OSBPL5: variants seen among roughly 807,000 people sequenced by gnomAD.
OSBPL5 encodes the protein oxysterol binding protein like 5, also known as oxysterol-binding protein-related protein 5.
Under a neutral mutation model 111.2 loss-of-function variants are expected in OSBPL5, and 71 were observed. The ratio of observed to expected loss-of-function variants is 0.64; its 90% CI spans 0.53 to 0.78. OSBPL5 has a LOEUF of 0.78. Ranked by LOEUF, OSBPL5 falls within the 30% of genes least tolerant of loss-of-function variation. The probability of loss-of-function intolerance (pLI) is 0.00; values close to 1 mark genes in which losing one functional copy is unlikely to be tolerated. For synonymous variants in OSBPL5, 549 were observed against 513.9 expected, an observed-to-expected ratio of 1.07 and a Z score of -0.93; for missense variants, 1,210 against 1,189.3, an observed-to-expected ratio of 1.02 and a Z score of -0.26.
chr11:3,137,259 G>A (rs1403412990), intron 1 of OSBPL5, among the ~76,000 whole-genome samples: 1 of 152,210 alleles, frequency 6.6e-6, no homozygotes, highest in Non-Finnish European at 1.5e-5. Context: ...TGGACCGAAT[G>A]CCTAGTGCTA....
Position 3,146,882 on chromosome 11 carries a change from G to A in OSBPL5, c.-21-17713C>T, listed in dbSNP as rs1157089314. Reference sequence around the variant, plus strand: ...TTTCTATTTATGATTCGCCTCTCACGCCCCTTCCCAGCACACCCAGCTCTG... The same window carrying A: ...TTTCTATTTATGATTCGCCTCTCACACCCCTTCCCAGCACACCCAGCTCTG... On this transcript the variant is annotated intron_variant, in intron 1 of 21. Coordinates refer to ENST00000263650, the MANE Select transcript of OSBPL5 (RefSeq NM_020896.4). The surrounding 1 kb of genome is among the most constrained non-coding windows in gnomAD (Gnocchi z 7.8). Among the ~76,000 whole-genome samples, 6 of 152,230 alleles carry A rather than the reference G, an allele frequency of 3.9e-5. No homozygotes were observed. In the South Asian group the frequency reaches 6.2e-4, roughly 16 times the overall value.
chr11:3,147,855 C>T (rs1226669358), intron 1 of OSBPL5, among the ~76,000 whole-genome samples: 2 of 152,168 alleles, frequency 1.3e-5, no homozygotes, highest in Non-Finnish European at 2.9e-5. Context: ...TGACCCGGGC[C>T]CTTCTGTCTC....
chr11:3,138,871 A>G (rs1448607674), intron 1 of OSBPL5, among the ~76,000 whole-genome samples: 1 of 152,206 alleles, frequency 6.6e-6, no homozygotes, highest in Non-Finnish European at 1.5e-5. Flanking sequence ...ATCTGGCCCC[A>G]GCCTGCTCAT....
chr11:3,093,027 T>C lies in OSBPL5; in HGVS notation c.1972A>G (p.Ile658Val), dbSNP rs1243848175. Residue 658 changes from isoleucine to valine, a missense_variant, in exon 18 of 22, where the codon ATC becomes GTC. Physicochemically the swap from Ile to Val is conservative, Grantham distance 29 (BLOSUM62 3). Coordinates refer to ENST00000263650, the MANE Select transcript of OSBPL5 (RefSeq NM_020896.4). Reference protein sequence around the residue: ...ERLWQHVTRAISKGDQHRATQ... With the variant: ...ERLWQHVTRAVSKGDQHRATQ... The stretch of plus-strand genomic sequence containing the variant: ...GCCCTGTGCTGGTCGCCCTTGCTGA[T>C]GGCCCTGGTGACGTGCTGCCAGAGC... 6.3e-7 allele frequency: 1 copy of C among 1,595,946 alleles called. No homozygotes were observed. Among genetic ancestry groups the C allele is most frequent in the Non-Finnish European group, 8.5e-7 (1 of 1,172,234 alleles).
intron 1 of OSBPL5, among the ~76,000 whole-genome samples, chr11:3,145,491 C>T (rs1211208992): frequency 6.6e-6 from 1 of 152,218 alleles, no homozygotes; most frequent in Non-Finnish European, 1.5e-5. Flanking sequence ...GCCACCCCTG[C>T]CCAGCGAGTT....
In OSBPL5 at chr11:3,113,945, T is replaced by A. The variant is rs1375332482; in HGVS notation, c.691+5602A>T. On this transcript the variant is annotated intron_variant, in intron 7 of 21. Transcript: ENST00000263650. This position sits in a 1 kb window ranked among gnomAD's most constrained non-coding sequence, Gnocchi z 4.8. Reference sequence around the variant, plus strand: ...TGTCTCAGTTATAATTTTGCAATGGTGTTTCCATAATTTAAATAATGACAA... The same window carrying A: ...TGTCTCAGTTATAATTTTGCAATGGAGTTTCCATAATTTAAATAATGACAA... 6.6e-6 allele frequency among the ~76,000 whole-genome samples: 1 copy of A among 152,192 alleles called. No homozygotes were observed. Among genetic ancestry groups the A allele is most frequent in the African/African-American group, 2.4e-5 (1 of 41,448 alleles).
At chr11:3,114,619 G>GA (rs1858144559) in intron 7 of OSBPL5, among the ~76,000 whole-genome samples, 1 of 16,034 alleles carries the variant, frequency 6.2e-5, no homozygotes, top group African/African-American at 5.1e-4. Context: ...TTTTTTTTTA[G>GA]ACAGAGTCTC....
rs1024975204 is a variant in OSBPL5 at position 3,113,419 on chromosome 11, G to A, written c.692-5474C>T. 6.6e-6 allele frequency among the ~76,000 whole-genome samples: 1 copy of A among 152,124 alleles called. No individual in the cohort carries two copies. The highest frequency in any genetic ancestry group is 1.5e-5 in the Non-Finnish European group (1 of 68,022). On this transcript the variant is annotated intron_variant, in intron 7 of 21. Transcript: ENST00000263650. This position sits in a 1 kb window ranked among gnomAD's most constrained non-coding sequence, Gnocchi z 4.8. ...TGCCTGTAATCTCAGCACTTTGGGA[G>A]GCTGAGGTGGGTGGATCACAAAGTC...
At chr11:3,097,236 C>T (rs1857305066) in intron 14 of OSBPL5, among the ~76,000 whole-genome samples, 1 of 151,682 alleles carries the variant, frequency 6.6e-6, no homozygotes, top group Admixed American at 6.6e-5. Context: ...TAGACAGGTC[C>T]TTGGGTCAGA....
intron 19 of OSBPL5, among the ~76,000 whole-genome samples, chr11:3,091,484 C>A (rs780534602): frequency 6.6e-6 from 1 of 152,078 alleles, no homozygotes; most frequent in Non-Finnish European, 1.5e-5. Context: ...GCTGACTGAC[C>A]TCAGCAGGGG....
intron 7 of OSBPL5, among the ~76,000 whole-genome samples, chr11:3,108,406 C>T (rs1857788336): frequency 6.6e-6 from 1 of 152,162 alleles, no homozygotes; most frequent in South Asian, 2.1e-4. Flanking sequence ...GAGGAGGGTC[C>T]TCCCTCACTG....
intron 2 of OSBPL5, among the ~76,000 whole-genome samples, chr11:3,128,484 G>T (rs557862928): frequency 3.2e-4 from 49 of 152,350 alleles, no homozygotes; most frequent in African/African-American, 1.2e-3. Flanking sequence ...CAGCATTGGC[G>T]GGCAGAGGTT....
intron 14 of OSBPL5, 37 bp from the exon 15 acceptor site, chr11:3,094,371 A>T: frequency 6.5e-7 from 1 of 1,540,552 alleles, no homozygotes; most frequent in Non-Finnish European, 8.9e-7. Context: ...AGGCGGCCCC[A>T]GCCCTGCTGA....
At chr11:3,164,914 G>T (rs1470956316) in intron 1 of OSBPL5, among the ~76,000 whole-genome samples, 1 of 151,916 alleles carries the variant, frequency 6.6e-6, no homozygotes, top group African/African-American at 2.4e-5. Context: ...AGCTGGGCGC[G>T]CCGCTTCCCA....
At chr11:3,089,723 G>T in intron 21 of OSBPL5, 123 bp downstream of exon 21, 1 of 851,592 alleles carries the variant, frequency 1.2e-6, no homozygotes, top group Non-Finnish European at 1.9e-6. Flanking sequence ...GGTCTTGTGG[G>T]TTCCAGCTCC....
rs1452363709 is a variant in OSBPL5, at chr11:3,140,659, C to T, written c.-21-11490G>A. On this transcript the variant is annotated intron_variant, in intron 1 of 21. Coordinates refer to ENST00000263650, the MANE Select transcript of OSBPL5 (RefSeq NM_020896.4). The surrounding 1 kb of genome is among the most constrained non-coding windows in gnomAD (Gnocchi z 4.5). ...GTCGTCCCGGCTCCCCTCTGTCCCCCAGCTCACATTACCCAGGACTGGCTG... is the reference window on the plus strand; with the variant it reads ...GTCGTCCCGGCTCCCCTCTGTCCCCTAGCTCACATTACCCAGGACTGGCTG... Among the ~76,000 whole-genome samples the T allele has an allele frequency of 2.6e-5, 4 of 152,204 alleles. No individual in the cohort carries two copies. The highest frequency in any genetic ancestry group is 4.1e-4 in the South Asian group (2 of 4,836).
At chr11:3,124,633 G>A (rs1028399254) in intron 3 of OSBPL5, among the ~76,000 whole-genome samples, 4 of 152,134 alleles carry the variant, frequency 2.6e-5, no homozygotes, top group African/African-American at 9.7e-5. Flanking sequence ...GCTGGCACAG[G>A]TCCTGGTGAC....
Position 3,126,153 on chromosome 11 carries a change from A to G in OSBPL5, c.219+320T>C, listed in dbSNP as rs892593226. ...AAACAGACAATTTTGAGAGTTCTAT[A>G]TTATCCTGGAATTACCATGTGACCT... On this transcript the variant is annotated intron_variant, in intron 3 of 21. Transcript: ENST00000263650. This position sits in a 1 kb window ranked among gnomAD's most constrained non-coding sequence, Gnocchi z 6.5. Among the ~76,000 whole-genome samples the G allele has an allele frequency of 1.3e-5, 2 of 152,172 alleles. No individual in the cohort carries two copies. Among genetic ancestry groups the G allele is most frequent in the African/African-American group, 2.4e-5 (1 of 41,442 alleles).
intron 5 of OSBPL5, 56 bp from the exon 6 acceptor site, chr11:3,120,680 C>T: frequency 1.3e-6 from 2 of 1,585,952 alleles, no homozygotes; most frequent in Non-Finnish European, 1.7e-6. Flanking sequence ...ATCCCTGGGG[C>T]ATCTTGATGG....
Sources: gnomAD v4.1 joint callset for allele counts (sites outside exome capture counted in the v4.1 genomes callset) on GRCh38, gnomAD v4.1.1 for gene constraint, Gnocchi (gnomAD v3.1) non-coding constraint, MANE v1.5 for transcripts, NCBI Gene and HGNC (gene_info 2026-07-23, HGNC 2026-07-21) for gene names.